Variants in SEM1 observed in about 807,000 individuals in gnomAD.
SEM1 encodes the protein SEM1 26S proteasome subunit.
In SEM1, 3 loss-of-function variants were observed where a neutral mutation model predicts 12.7. That is an observed-to-expected ratio of 0.24 (90% confidence interval 0.11 to 0.61). The LOEUF (loss-of-function observed/expected upper bound fraction) is 0.61. Among genes scored for constraint, SEM1 ranks in the 20% least tolerant of loss-of-function variants. SEM1 has a pLI of 0.88. For synonymous variants in SEM1, 30 were observed against 27.8 expected, an observed-to-expected ratio of 1.08 and a Z score of -0.25; for missense variants, 59 against 81.3, an observed-to-expected ratio of 0.73 and a Z score of 1.06.
intron 2 of SEM1, among the ~76,000 whole-genome samples, chr7:96,626,297 T>C (rs530905054): frequency 6.6e-6 from 1 of 152,310 alleles, no homozygotes; most frequent in South Asian, 2.1e-4. Flanking sequence ...GTGCTTGTTT[T>C]ATTTCACTTA....
At chr7:96,567,954 T>TCA (rs565620658) in intron 2 of SEM1, among the ~76,000 whole-genome samples, 3,740 of 149,692 alleles carry the variant, frequency 0.025, 136 homozygotes, top group African/African-American at 0.086. Flanking sequence ...ACACACACAC[T>TCA]CACACACACA....
intron 2 of SEM1, among the ~76,000 whole-genome samples, chr7:96,519,966 C>T (rs545259037): frequency 8.5e-5 from 13 of 152,176 alleles, no homozygotes; most frequent in Admixed American, 4.6e-4. Context: ...ATTAGAAATT[C>T]GGCTCTTATC....
At chr7:96,698,674 A>G (rs1790173827) in intron 1 of SEM1, among the ~76,000 whole-genome samples, 1 of 152,132 alleles carries the variant, frequency 6.6e-6, no homozygotes, top group Non-Finnish European at 1.5e-5. Flanking sequence ...ACTGATGGCC[A>G]TTGGGATCGG....
exon 2 of SEM1, chr7:96,486,348 C>T (rs1401755050): frequency 6.5e-7 from 1 of 1,536,950 alleles, no homozygotes; most frequent in Admixed American, 2.0e-5. Context: ...GGTCTCCTCC[C>T]CCTTTTTATG....
intron 2 of SEM1, among the ~76,000 whole-genome samples, chr7:96,581,731 C>A (rs1339997281): frequency 6.6e-6 from 1 of 152,026 alleles, no homozygotes; most frequent in Non-Finnish European, 1.5e-5. Context: ...CTCTTTGAAG[C>A]AACTGTGAAT....
At position 96,551,955 on chromosome 7, in the gene SEM1, G is replaced by A. The variant is rs187290957; in HGVS notation, c.171-45257C>T. 3.3e-5 allele frequency among the ~76,000 whole-genome samples: 5 copies of A among 152,166 alleles called. No homozygotes were observed. The East Asian group carries it at 5.8e-4, about 18-fold the overall frequency. On this transcript the variant is annotated intron_variant and NMD_transcript_variant, in intron 2 of 3. Transcript: ENST00000466986. ...ATAGACTATATTTCTGTTGTTTTAC[G>A]CCACCTAATATGCAGTAATTTGTTA...
At chr7:96,546,373 T>A (rs978288291) in intron 2 of SEM1, among the ~76,000 whole-genome samples, 1 of 152,090 alleles carries the variant, frequency 6.6e-6, no homozygotes, top group African/African-American at 2.4e-5. Flanking sequence ...AAACCAATTG[T>A]CACATACCTT....
chr7:96,572,150 T>C (rs1806054355), intron 2 of SEM1, among the ~76,000 whole-genome samples: 1 of 152,204 alleles, frequency 6.6e-6, no homozygotes. Flanking sequence ...TCATTTTTTA[T>C]TGTGTCTATT....
At chr7:96,568,725 C>T (rs145301422) in intron 2 of SEM1, among the ~76,000 whole-genome samples, 41 of 151,908 alleles carry the variant, frequency 2.7e-4, no homozygotes, top group African/African-American at 9.4e-4. Context: ...TAGCTCCTAA[C>T]ATTTAAAAAT....
At chr7:96,550,539 G>C (rs1489780784) in intron 2 of SEM1, among the ~76,000 whole-genome samples, 2 of 152,122 alleles carry the variant, frequency 1.3e-5, no homozygotes, top group Non-Finnish European at 2.9e-5. Flanking sequence ...ATTCTTAACT[G>C]TGATATTGCA....
At chr7:96,645,813 A>C (rs370531819) in intron 2 of SEM1, 95 of 398,396 alleles carry the variant, frequency 2.4e-4, no homozygotes, top group African/African-American at 1.7e-3. Context: ...TAGGAGAACT[A>C]GGGGTGATGC....
chr7:96,635,679 G>T (rs1246699402), intron 2 of SEM1, among the ~76,000 whole-genome samples: 1 of 152,248 alleles, frequency 6.6e-6, no homozygotes, highest in African/African-American at 2.4e-5. Context: ...AGCAATCTTG[G>T]TGAAGCTGAT....
intron 2 of SEM1, among the ~76,000 whole-genome samples, chr7:96,631,463 C>T (rs1183022728): frequency 1.3e-5 from 2 of 152,250 alleles, no homozygotes; most frequent in East Asian, 3.9e-4. Context: ...CAGAAAAGCT[C>T]TCTGCACCAT....
chr7:96,565,311 T>A lies in SEM1; in HGVS notation c.171-58613A>T, dbSNP rs373132578. On this transcript the variant is annotated intron_variant and NMD_transcript_variant, in intron 2 of 3. Transcript: ENST00000466986. The stretch of plus-strand genomic sequence containing the variant: ...GTGAATTTACAAGCAAAGAGTTAGG[T>A]ACTTTGTGCTCTAAAACTTCATAAC... Among the ~76,000 whole-genome samples the A allele has an allele frequency of 3.3e-5, 5 of 152,086 alleles. No homozygotes were observed. The South Asian group carries it at 8.3e-4, about 25-fold the overall frequency.
At chr7:96,630,682 T>A (rs1405078306) in intron 2 of SEM1, among the ~76,000 whole-genome samples, 2 of 152,126 alleles carry the variant, frequency 1.3e-5, no homozygotes, top group African/African-American at 2.4e-5. Flanking sequence ...TTTTCCATCC[T>A]CTGTTCTTCA....
intron 1 of SEM1, among the ~76,000 whole-genome samples, chr7:96,703,005 T>C (rs761596045): frequency 1.3e-5 from 2 of 152,146 alleles, no homozygotes; most frequent in South Asian, 2.1e-4. Flanking sequence ...GACAAGATAA[T>C]GTAATCCAGG....
intron 1 of SEM1, among the ~76,000 whole-genome samples, chr7:96,702,261 C>T (rs1014094535): frequency 1.3e-5 from 2 of 152,156 alleles, no homozygotes; most frequent in South Asian, 4.2e-4. Context: ...TACACACACA[C>T]ACACACTCCT....
At chr7:96,696,409 C>T (rs890987231) in intron 1 of SEM1, 1 of 151,932 alleles carries the variant, frequency 6.6e-6, no homozygotes, top group Non-Finnish European at 1.5e-5. Flanking sequence ...CCAAATTCTT[C>T]GTTAATTATC....
intron 2 of SEM1, among the ~76,000 whole-genome samples, chr7:96,556,837 G>C (rs576833737): frequency 2.5e-4 from 32 of 130,504 alleles, no homozygotes; most frequent in African/African-American, 6.9e-4. Flanking sequence ...CCAATCAGAC[G>C]TAGATTTGGT....
Sources: allele counts gnomAD v4.1 joint callset (sites outside exome capture counted in the v4.1 genomes callset), GRCh38; gene constraint gnomAD v4.1.1; transcripts MANE v1.5; gene names NCBI Gene and HGNC (gene_info 2026-07-23, HGNC 2026-07-21).